Variants in AGFG2 observed in about 807,000 individuals in gnomAD.
AGFG2 encodes the protein ArfGAP with FG repeats 2, also known as arf-GAP domain and FG repeat-containing protein 2.
A neutral mutation model predicts 48.0 loss-of-function variants in AGFG2; 31 were observed. The observed-to-expected ratio is 0.65, with a 90% CI of 0.49 to 0.87. AGFG2 has a LOEUF of 0.87. AGFG2 is among the 40% of genes least tolerant of loss of function. The pLI is 0.00. For synonymous variants in AGFG2, 229 were observed against 260.8 expected (o/e 0.88, Z 1.18); for missense variants, 599 against 632.6 (o/e 0.95, Z 0.57).
At chr7:100,558,455 T>C (rs897953678) in intron 6 of AGFG2, among the ~76,000 whole-genome samples, 2 of 152,122 alleles carry the variant, frequency 1.3e-5, no homozygotes, top group Non-Finnish European at 2.9e-5. Context: ...AAACAGCCTA[T>C]ATAAAGTTGT....
chr7:100,544,741 C>CG (rs1223129584), intron 1 of AGFG2, among the ~76,000 whole-genome samples: 303 of 8,340 alleles, frequency 0.036, 1 homozygote, highest in African/African-American at 0.12. Context: ...GGGTGGTGGG[C>CG]GGGGGGGTGG....
chr7:100,545,926 TA>T (rs1479190809), intron 1 of AGFG2, among the ~76,000 whole-genome samples: 1 of 152,210 alleles, frequency 6.6e-6, no homozygotes, highest in Non-Finnish European at 1.5e-5. Context: ...CTCTGACTCA[TA>T]GGCCATGTAA....
At chr7:100,553,800 G>A (rs946934206) in intron 4 of AGFG2, among the ~76,000 whole-genome samples, 1 of 152,222 alleles carries the variant, frequency 6.6e-6, no homozygotes, top group African/African-American at 2.4e-5. Context: ...GGAAGGTTGA[G>A]GAGTAACAGC....
intron 1 of AGFG2, among the ~76,000 whole-genome samples, chr7:100,540,547 A>G (rs2131098634): frequency 6.6e-6 from 1 of 151,410 alleles, no homozygotes; most frequent in African/African-American, 2.4e-5. Flanking sequence ...AGCCCCCTCC[A>G]CTCCCCTCTG....
At chr7:100,546,481 C>T (rs1321511422) in intron 1 of AGFG2, among the ~76,000 whole-genome samples, 3 of 152,182 alleles carry the variant, frequency 2.0e-5, no homozygotes, top group Non-Finnish European at 4.4e-5. Context: ...TCCATCAGTG[C>T]CTGACTGAAT....
At chr7:100,547,150 C>T (rs964676202) in intron 1 of AGFG2, among the ~76,000 whole-genome samples, 6 of 151,920 alleles carry the variant, frequency 3.9e-5, no homozygotes, top group South Asian at 2.1e-4. Flanking sequence ...GTACTGAGTC[C>T]GCCCACTCCC....
chr7:100,540,531 T>C (rs1485984507), intron 1 of AGFG2, among the ~76,000 whole-genome samples: 2 of 152,104 alleles, frequency 1.3e-5, no homozygotes, highest in African/African-American at 4.8e-5. Flanking sequence ...TCTGGTTATA[T>C]AGTAAAGCCC....
intron 3 of AGFG2, among the ~76,000 whole-genome samples, chr7:100,552,892 G>A (rs545487313): frequency 2.6e-5 from 4 of 152,308 alleles, no homozygotes; most frequent in African/African-American, 9.6e-5. Context: ...GCTCATGCCT[G>A]TAATCCCAGA....
At chr7:100,560,211 C>A (rs1010510676) in intron 6 of AGFG2, among the ~76,000 whole-genome samples, 3 of 151,180 alleles carry the variant, frequency 2.0e-5, no homozygotes, top group Admixed American at 6.6e-5. Flanking sequence ...AACAGTCTTG[C>A]CCTGTCGCCC....
chr7:100,563,715 G>A (rs1800931891), intron 9 of AGFG2, 119 bp from the exon 10 acceptor site: 5 of 1,457,070 alleles, frequency 3.4e-6, no homozygotes, highest in Admixed American at 2.0e-5. Context: ...TGGGTCCCTC[G>A]TTCCTCATGT....
At chr7:100,561,412 C>T (rs1056222067) in intron 6 of AGFG2, among the ~76,000 whole-genome samples, 1 of 152,232 alleles carries the variant, frequency 6.6e-6, no homozygotes, top group Non-Finnish European at 1.5e-5. Flanking sequence ...CAGGCATGAA[C>T]TGCCGCGTCC....
In AGFG2 at chr7:100,539,608, G is replaced by A. The variant is rs3735690; in HGVS notation, c.221+41G>A. 91 of 314,652 alleles carry A rather than the reference G, an allele frequency of 2.9e-4. No individual in the cohort carries two copies. The East Asian group carries it at 0.013, about 47-fold the overall frequency. 19.5% of individuals were successfully genotyped at this position (314,652 alleles called of 1,614,324 possible). Reference sequence around the variant, plus strand: ...GGAGTGGCCGAGGTCGGCGTGGGGGGACCCGGGGGCGGGGTGGGGAGGCCG... The same window carrying A: ...GGAGTGGCCGAGGTCGGCGTGGGGGAACCCGGGGGCGGGGTGGGGAGGCCG... On this transcript the variant is annotated intron_variant, in intron 1 of 11. Coordinates refer to ENST00000300176, the MANE Select transcript of AGFG2 (RefSeq NM_006076.5).
At chr7:100,549,544 G>A (rs571066272) in intron 2 of AGFG2, among the ~76,000 whole-genome samples, 27 of 152,262 alleles carry the variant, frequency 1.8e-4, no homozygotes, top group African/African-American at 6.0e-4. Flanking sequence ...GTCACAAAAT[G>A]TGATTATAAC....
chr7:100,563,038 G>T, intron 9 of AGFG2, 92 bp downstream of exon 9: 1 of 1,282,134 alleles, frequency 7.8e-7, no homozygotes. Flanking sequence ...TTTGTCTCAC[G>T]CTGTCAGGAG....
chr7:100,556,539 C>A (rs1800762107), intron 6 of AGFG2: 1 of 1,272,846 alleles, frequency 7.9e-7, no homozygotes. Flanking sequence ...GTGACATACA[C>A]TCTTTCTTTC....
At chr7:100,553,551 A>G in intron 4 of AGFG2, 51 bp downstream of exon 4, 1 of 1,558,488 alleles carries the variant, frequency 6.4e-7, no homozygotes, top group Non-Finnish European at 8.7e-7. Flanking sequence ...GGGAGACAGG[A>G]GTGTCAGTTT....
At chr7:100,545,194 G>A (rs2131102676) in intron 1 of AGFG2, among the ~76,000 whole-genome samples, 2 of 152,282 alleles carry the variant, frequency 1.3e-5, no homozygotes, top group South Asian at 4.2e-4. Context: ...AAATGAAAAA[G>A]AACTTGGGTG....
chr7:100,562,570 G>T lies in AGFG2; in HGVS notation c.999-24G>T. On this transcript the variant is annotated intron_variant, in intron 7 of 11. Transcript: ENST00000300176. This position sits in a 1 kb window ranked among gnomAD's most constrained non-coding sequence, Gnocchi z 5.4. ...TTGATTGGCCCTGGCAGCTGTGTAT[G>T]ACTTCTCTCTCCCCGTGTTGTAGCC... 1 of 1,613,360 alleles carries T rather than the reference G, an allele frequency of 6.2e-7. No homozygotes were observed. Among genetic ancestry groups the T allele is most frequent in the South Asian group, 1.1e-5 (1 of 91,002 alleles).
intron 1 of AGFG2, among the ~76,000 whole-genome samples, chr7:100,542,050 CTG>C (rs1317139294): frequency 6.6e-6 from 1 of 152,116 alleles, no homozygotes; most frequent in Non-Finnish European, 1.5e-5. Context: ...GAGTCTCACT[CTG>C]TTGCTTAGGC....
Sources: gnomAD v4.1 joint callset for allele counts (sites outside exome capture counted in the v4.1 genomes callset) on GRCh38, gnomAD v4.1.1 for gene constraint, Gnocchi (gnomAD v3.1) non-coding constraint, MANE v1.5 for transcripts, NCBI Gene and HGNC (gene_info 2026-07-23, HGNC 2026-07-21) for gene names.